PCDHA5: variants seen among roughly 807,000 people sequenced by gnomAD.
PCDHA5 encodes the protein protocadherin alpha 5.
Under a neutral mutation model 61.6 loss-of-function variants are expected in PCDHA5, and 43 were observed. The observed-to-expected ratio is 0.70, with a 90% CI of 0.55 to 0.90. The LOEUF (loss-of-function observed/expected upper bound fraction) is 0.90, where lower values mean the gene tolerates loss of function less well. PCDHA5 is among the 40% of genes least tolerant of loss of function. The pLI, the probability that PCDHA5 is intolerant of heterozygous loss-of-function variation, is 0.00. For synonymous variants in PCDHA5, 627 were observed against 543.9 expected (o/e 1.15, Z -2.13); for missense variants, 1,298 against 1,222.7 (o/e 1.06, Z -0.92).
chr5:140,953,842 T>A (rs1369287853), intron 1 of PCDHA5, among the ~76,000 whole-genome samples: 2 of 152,214 alleles, frequency 1.3e-5, no homozygotes, highest in Non-Finnish European at 2.9e-5. Flanking sequence ...GTTACCCAGG[T>A]AAACATGTGC....
chr5:140,881,803 T>A (rs574659861), intron 1 of PCDHA5, among the ~76,000 whole-genome samples: 5 of 152,058 alleles, frequency 3.3e-5, no homozygotes, highest in Non-Finnish European at 7.3e-5. Context: ...CCAAAACGAG[T>A]GTCGAATATT....
At chr5:140,897,762 A>G (rs572488219) in intron 1 of PCDHA5, among the ~76,000 whole-genome samples, 1 of 152,324 alleles carries the variant, frequency 6.6e-6, no homozygotes, top group East Asian at 1.9e-4. Flanking sequence ...AGGAATCGCC[A>G]CACTGACTTC....
chr5:140,843,159 C>T lies in PCDHA5; in HGVS notation c.2352+19032C>T. 5 of 1,596,084 alleles carry T rather than the reference C, an allele frequency of 3.1e-6. 1 individual carries two copies. The highest frequency in any genetic ancestry group is 4.3e-6 in the Non-Finnish European group (5 of 1,165,594). On this transcript the variant is annotated intron_variant, in intron 1 of 3. Coordinates refer to ENST00000529859, the MANE Select transcript of PCDHA5 (RefSeq NM_018908.3). ...GCGTGGCTTTCGTATGAGCTGCAGC[C>T]AGCTGCAAGCAGCCCTCGCATCCCG...
chr5:140,993,630 C>T (rs1305182880), intron 3 of PCDHA5, among the ~76,000 whole-genome samples: 2 of 152,054 alleles, frequency 1.3e-5, no homozygotes, highest in South Asian at 4.2e-4. Flanking sequence ...TATATATAGT[C>T]GTGTACCAAA....
At chr5:140,894,457 T>C (rs2153447013) in intron 1 of PCDHA5, among the ~76,000 whole-genome samples, 1 of 152,166 alleles carries the variant, frequency 6.6e-6, no homozygotes, top group African/African-American at 2.4e-5. Flanking sequence ...AAAAAATATT[T>C]TACTTTTTAT....
intron 1 of PCDHA5, among the ~76,000 whole-genome samples, chr5:140,873,700 A>G (rs1411262715): frequency 3.3e-5 from 5 of 152,202 alleles, no homozygotes; most frequent in African/African-American, 1.2e-4. Flanking sequence ...TTGCTCTATC[A>G]CCCAGGCTGG....
intron 3 of PCDHA5, among the ~76,000 whole-genome samples, chr5:141,002,222 G>A (rs1278350490): frequency 2.0e-5 from 3 of 152,212 alleles, no homozygotes; most frequent in Non-Finnish European, 4.4e-5. Context: ...AAAATGATGG[G>A]TTTTCTGGAA....
In PCDHA5 at chr5:140,824,078, T is replaced by G; in HGVS notation, c.2303T>G (p.Leu768Arg). ...GGGGAAGCTCCACCCAAAACAGACCTCATGGCCTTCAGTCCAAGCCTTCCT... is the reference window on the plus strand; with the variant it reads ...GGGGAAGCTCCACCCAAAACAGACCGCATGGCCTTCAGTCCAAGCCTTCCT... ...CSGEAPPKTD[L>R]MAFSPSLPQG... The change falls in exon 1 of 4, where the codon CTC becomes CGC. Residue 768 changes from leucine to arginine, a missense_variant. Leu to Arg is a moderately radical substitution (Grantham distance 102). Transcript: ENST00000529859. The G allele has an allele frequency of 6.2e-7, 1 of 1,614,194 alleles. No individual in the cohort carries two copies. Among genetic ancestry groups the G allele is most frequent in the Non-Finnish European group, 8.5e-7 (1 of 1,180,024 alleles).
At chr5:140,864,471 G>A (rs924017911) in intron 1 of PCDHA5, 23 of 152,218 alleles carry the variant, frequency 1.5e-4, no homozygotes, top group African/African-American at 5.3e-4. Context: ...TTTTTGAGAT[G>A]TTGATTGCAG....
chr5:140,926,819 C>T, intron 1 of PCDHA5: 1 of 1,493,950 alleles, frequency 6.7e-7, no homozygotes. Context: ...CTCGTGCTCT[C>T]CAGGAGTCCG....
At chr5:140,882,343 G>T (rs1554173636) in intron 1 of PCDHA5, 1 of 1,614,198 alleles carries the variant, frequency 6.2e-7, no homozygotes, top group Admixed American at 1.7e-5. Context: ...CAGCCTGGGA[G>T]ACGGGTAGTG....
At chr5:140,836,560 C>T (rs2150264075) in intron 1 of PCDHA5, 2 of 1,613,740 alleles carry the variant, frequency 1.2e-6, no homozygotes, top group South Asian at 1.1e-5. Flanking sequence ...TGCTCAGCGC[C>T]GTCCTCTGAG....
At chr5:140,941,215 C>CTTTCTTTCTTTCTT (rs2092887387) in intron 1 of PCDHA5, among the ~76,000 whole-genome samples, 1 of 104,510 alleles carries the variant, frequency 9.6e-6, no homozygotes, top group African/African-American at 3.7e-5. Context: ...TTCTTTCTTC[C>CTTTCTTTCTTTCTT]TTTCTTTCTT....
chr5:140,829,116 A>T, intron 1 of PCDHA5: 5 of 1,612,284 alleles, frequency 3.1e-6, no homozygotes, highest in Non-Finnish European at 4.2e-6. Context: ...AGAATTTTGG[A>T]TAAAAATGAT....
rs78358581 is a variant in PCDHA5 at position 140,924,264 on chromosome 5, T to G, written c.2353-54685T>G. 2.9e-3 allele frequency among the ~76,000 whole-genome samples: 442 copies of G among 152,342 alleles called. 1 individual carries two copies. Among genetic ancestry groups the G allele is most frequent in the African/African-American group, 0.01 (423 of 41,584 alleles). On this transcript the variant is annotated intron_variant, in intron 1 of 3. Coordinates refer to ENST00000529859, the MANE Select transcript of PCDHA5 (RefSeq NM_018908.3). Reference sequence around the variant, plus strand: ...TGCATCCTGGTGAGATCTAATGAGGTCTGTACTTGTGACTACCTAATAGGC... The same window carrying G: ...TGCATCCTGGTGAGATCTAATGAGGGCTGTACTTGTGACTACCTAATAGGC...
At chr5:140,958,290 T>C (rs1554223401) in intron 1 of PCDHA5, among the ~76,000 whole-genome samples, 1 of 152,154 alleles carries the variant, frequency 6.6e-6, no homozygotes, top group Non-Finnish European at 1.5e-5. Context: ...TTAAATATTA[T>C]TGAACTTAAT....
In PCDHA5 at chr5:140,850,682, G is replaced by C. The variant is rs2150493727; in HGVS notation, c.2352+26555G>C. On this transcript the variant is annotated intron_variant, in intron 1 of 3. Coordinates refer to ENST00000529859, the MANE Select transcript of PCDHA5 (RefSeq NM_018908.3). The stretch of plus-strand genomic sequence containing the variant: ...TGCGGTGCTCGGCGATGCCCACCGA[G>C]GGCGAGTGCGCGCCTGGCAAGCCGA... The C allele has an allele frequency of 3.1e-5, 50 of 1,598,558 alleles. 3 individuals carry two copies. In the East Asian group the frequency reaches 1.1e-3, roughly 35 times the overall value.
At chr5:140,975,472 A>G (rs1012106018) in intron 1 of PCDHA5, among the ~76,000 whole-genome samples, 2 of 152,250 alleles carry the variant, frequency 1.3e-5, no homozygotes, top group African/African-American at 4.8e-5. Flanking sequence ...AATTCTGCCT[A>G]TCAGTTTATA....
intron 1 of PCDHA5, among the ~76,000 whole-genome samples, chr5:140,914,691 T>G (rs1300550753): frequency 6.6e-6 from 1 of 152,130 alleles, no homozygotes; most frequent in Non-Finnish European, 1.5e-5. Flanking sequence ...TTTTCTCTGG[T>G]GGTATGATTT....
Sources: allele counts gnomAD v4.1 joint callset (sites outside exome capture counted in the v4.1 genomes callset), GRCh38; gene constraint gnomAD v4.1.1; transcripts MANE v1.5; gene names NCBI Gene and HGNC (gene_info 2026-07-23, HGNC 2026-07-21).